Variants in TSC22D1 observed in about 807,000 individuals in gnomAD.
The protein encoded by TSC22D1 is TSC22 domain family member 1.
Under a neutral mutation model 74.2 loss-of-function variants are expected in TSC22D1, and 9 were observed. The ratio of observed to expected loss-of-function variants is 0.12; its 90% CI spans 0.07 to 0.21. TSC22D1 has a LOEUF of 0.21. Among genes scored for constraint, TSC22D1 ranks in the 10% least tolerant of loss-of-function variants. TSC22D1 has a pLI of 1.00. For missense variants in TSC22D1, 1,427 were observed against 1,304.7 expected, an observed-to-expected ratio of 1.09 and a Z score of -1.44; for synonymous variants, 586 against 492.5, an observed-to-expected ratio of 1.19 and a Z score of -2.51.
chr13:44,571,926 A>G (rs1883794056), intron 1 of TSC22D1, among the ~76,000 whole-genome samples: 1 of 152,148 alleles, frequency 6.6e-6, no homozygotes, highest in Non-Finnish European at 1.5e-5. Context: ...TCACTGAAAC[A>G]TTTGACCTGT....
chr13:44,487,382 C>A (rs1362845174), intron 1 of TSC22D1, among the ~76,000 whole-genome samples: 1 of 151,280 alleles, frequency 6.6e-6, no homozygotes, highest in African/African-American at 2.4e-5. Context: ...ACCTGTAACC[C>A]CAGCTACTGG....
chr13:44,458,795 C>G (rs987824167), intron 1 of TSC22D1, among the ~76,000 whole-genome samples: 1 of 152,178 alleles, frequency 6.6e-6, no homozygotes, highest in Non-Finnish European at 1.5e-5. Context: ...GGGGCAGCAG[C>G]TGACATGCCA....
At chr13:44,555,013 A>C (rs919567547) in intron 1 of TSC22D1, among the ~76,000 whole-genome samples, 2 of 152,068 alleles carry the variant, frequency 1.3e-5, no homozygotes, top group African/African-American at 4.8e-5. Flanking sequence ...CACTTGTTAG[A>C]AGCTTTTGTT....
chr13:44,576,262 T>G lies in TSC22D1; in HGVS notation c.-188A>C. The G allele has an allele frequency of 3.7e-6, 3 of 805,848 alleles. No individual in the cohort carries two copies. Among genetic ancestry groups the G allele is most frequent in the Non-Finnish European group, 3.8e-6 (2 of 533,130 alleles). The allele number at this position is 805,848 out of a possible 1,614,324, so 49.9% of individuals were successfully genotyped here. A position where few individuals can be genotyped will look rare whatever the true frequency, so the allele number is the denominator to read the frequency against. On this transcript the variant is annotated 5_prime_UTR_variant, in exon 1 of 3. Coordinates refer to ENST00000458659, the MANE Select transcript of TSC22D1 (RefSeq NM_183422.4). ...CGAGAGCGAGCTTCGGAAAGGAGGA[T>G]GAACGAGGGTGAACAGGGCGGCCGG...
rs187361871 is a variant in TSC22D1 at position 44,525,506 on chromosome 13, T to C, written c.2912+47657A>G. ...CAAGAGCCTGAGGCAGGAGGATCCC[T>C]TGAACCCAGGAGTTGAAGGCTGCAG... is the stretch of plus-strand genomic sequence containing the variant. On this transcript the variant is annotated intron_variant, in intron 1 of 2. Transcript: ENST00000458659. Among the ~76,000 whole-genome samples, 12 of 152,282 alleles carry C rather than the reference T, an allele frequency of 7.9e-5. No homozygotes were observed. The East Asian group carries it at 2.1e-3, about 27-fold the overall frequency.
At chr13:44,509,481 A>T (rs1291040793) in intron 1 of TSC22D1, among the ~76,000 whole-genome samples, 2 of 152,232 alleles carry the variant, frequency 1.3e-5, no homozygotes, top group African/African-American at 4.8e-5. Flanking sequence ...TCTATTAAAA[A>T]TACAAAAAAT....
At chr13:44,517,849 ATATATATATTT>A (rs1880110871) in intron 1 of TSC22D1, among the ~76,000 whole-genome samples, 2 of 22,770 alleles carry the variant, frequency 8.8e-5, no homozygotes, top group African/African-American at 1.8e-4. Flanking sequence ...ATATATATAT[ATATATATATTT>A]TTTTTTTTTT....
chr13:44,550,295 T>G lies in TSC22D1; in HGVS notation c.2912+22868A>C, dbSNP rs1326414266. On this transcript the variant is annotated intron_variant, in intron 1 of 2. Coordinates refer to ENST00000458659, the MANE Select transcript of TSC22D1 (RefSeq NM_183422.4). ...TTATTTGGCAAGCTCCATTAAGAAA[T>G]AAAGCAGCCGGGCACGGTGGCTCAT... is the stretch of plus-strand genomic sequence containing the variant. Among the ~76,000 whole-genome samples, 3 of 151,996 alleles carry G rather than the reference T, an allele frequency of 2.0e-5. No homozygotes were observed. In the East Asian group the frequency reaches 5.8e-4, roughly 29 times the overall value.
At chr13:44,531,864 G>A (rs1349354778) in intron 1 of TSC22D1, among the ~76,000 whole-genome samples, 2 of 152,078 alleles carry the variant, frequency 1.3e-5, no homozygotes, top group Non-Finnish European at 2.9e-5. Context: ...TTAGAACTTA[G>A]GCCATATTCT....
At position 44,504,838 on chromosome 13, in the gene TSC22D1, G is replaced by C. The variant is rs573938742; in HGVS notation, c.2912+68325C>G. ...GGACATCTCTTATTTAATTCTAAGA[G>C]GTACTAAAAAGCTCTATCAAATATA... On this transcript the variant is annotated intron_variant, in intron 1 of 2. Transcript: ENST00000458659. Among the ~76,000 whole-genome samples the C allele has an allele frequency of 3.4e-4, 52 of 152,194 alleles. No individual in the cohort carries two copies. In the South Asian group the frequency reaches 0.01, roughly 30 times the overall value.
At chr13:44,543,486 T>C (rs1881609086) in intron 1 of TSC22D1, among the ~76,000 whole-genome samples, 1 of 152,244 alleles carries the variant, frequency 6.6e-6, no homozygotes. Flanking sequence ...TTACCTATTA[T>C]CACCCATTCA....
chr13:44,545,169 A>G (rs756226472), intron 1 of TSC22D1, among the ~76,000 whole-genome samples: 16 of 151,810 alleles, frequency 1.1e-4, no homozygotes, highest in Non-Finnish European at 2.2e-4. Flanking sequence ...ACCCATCTCT[A>G]ATAAAAAATA....
intron 1 of TSC22D1, among the ~76,000 whole-genome samples, chr13:44,453,038 G>A (rs149070912): frequency 3.1e-3 from 465 of 152,288 alleles, no homozygotes; most frequent in Middle Eastern, 0.014. Flanking sequence ...AGATTTTGCA[G>A]TTAATTAGAA....
In TSC22D1 at chr13:44,434,895, A is replaced by G. The variant is rs1462359521; in HGVS notation, c.2965-12T>C. The G allele has an allele frequency of 2.6e-5, 42 of 1,604,762 alleles. 1 individual carries two copies. The highest frequency in any genetic ancestry group is 8.1e-5 in the African/African-American group (6 of 74,482). ...CTTTTCACTAGATCCTGGAAAGAAGACAGAAAAGGTTTAACTCATTATTTG... is the reference window on the plus strand; with the variant it reads ...CTTTTCACTAGATCCTGGAAAGAAGGCAGAAAAGGTTTAACTCATTATTTG... On this transcript the variant is annotated splice_polypyrimidine_tract_variant and intron_variant, in intron 2 of 2. Coordinates refer to ENST00000458659, the MANE Select transcript of TSC22D1 (RefSeq NM_183422.4).
chr13:44,447,286 C>A (rs1047828871), intron 1 of TSC22D1, among the ~76,000 whole-genome samples: 7 of 151,928 alleles, frequency 4.6e-5, no homozygotes, highest in African/African-American at 1.7e-4. Flanking sequence ...GCCCAGCCTA[C>A]ATGTAGTATT....
At chr13:44,455,989 A>G (rs988605850) in intron 1 of TSC22D1, among the ~76,000 whole-genome samples, 1 of 152,252 alleles carries the variant, frequency 6.6e-6, no homozygotes, top group Non-Finnish European at 1.5e-5. Flanking sequence ...CTCAATACTC[A>G]AAAAGTACAA....
At chr13:44,531,512 C>G (rs1026944220) in intron 1 of TSC22D1, among the ~76,000 whole-genome samples, 2 of 152,040 alleles carry the variant, frequency 1.3e-5, no homozygotes, top group African/African-American at 4.8e-5. Flanking sequence ...CACAGGTTAA[C>G]TCAATTAAAT....
intron 1 of TSC22D1, among the ~76,000 whole-genome samples, chr13:44,474,872 A>G (rs1326626540): frequency 6.6e-6 from 1 of 152,182 alleles, no homozygotes; most frequent in Non-Finnish European, 1.5e-5. Context: ...GAAACGAGAT[A>G]TCTGACAACT....
intron 1 of TSC22D1, among the ~76,000 whole-genome samples, chr13:44,497,520 A>C (rs1341486759): frequency 6.6e-6 from 1 of 152,222 alleles, no homozygotes; most frequent in Non-Finnish European, 1.5e-5. Context: ...GGTTAATCTT[A>C]TGTTGTTTAT....
Sources: gnomAD v4.1 joint callset for allele counts (sites outside exome capture counted in the v4.1 genomes callset) on GRCh38, gnomAD v4.1.1 for gene constraint, MANE v1.5 for transcripts, NCBI Gene and HGNC (gene_info 2026-07-23, HGNC 2026-07-21) for gene names.